FSCN3: variants seen among roughly 807,000 people sequenced by gnomAD.
FSCN3 encodes the protein fascin actin-bundling protein 3.
Under a neutral mutation model 53.5 loss-of-function variants are expected in FSCN3, and 43 were observed. The observed-to-expected ratio is 0.80, with a 90% CI of 0.63 to 1.04. The LOEUF (loss-of-function observed/expected upper bound fraction) is 1.04, where lower values mean the gene tolerates loss of function less well. FSCN3 is among the 50% of genes least tolerant of loss of function. The pLI is 0.00. For missense variants in FSCN3, 594 were observed against 646.5 expected, an observed-to-expected ratio of 0.92 and a Z score of 0.88; for synonymous variants, 235 against 246.6, an observed-to-expected ratio of 0.95 and a Z score of 0.44.
intron 1 of FSCN3, chr7:127,594,586 G>A (rs1296862184): frequency 2.1e-6 from 1 of 471,172 alleles, no homozygotes; most frequent in African/African-American, 2.0e-5. Context: ...TGGGAAAGCA[G>A]AATTGTGGGC....
In FSCN3 at chr7:127,595,772, C is replaced by A. The variant is rs749023279; in HGVS notation, c.610C>A (p.Arg204=). The A allele has an allele frequency of 2.5e-6, 4 of 1,613,648 alleles. No homozygotes were observed. The African/African-American group carries it at 4.0e-5, about 16-fold the overall frequency. The stretch of plus-strand genomic sequence containing the variant: ...ACACCACTTCTTGTCCCATGTAGAC[C>A]GGCTGTTCTCCCAACCCTCATCACA... ...STHHFLSHVD[R]LFSQPSSQTA... Residue 204 remains arginine, a synonymous_variant, in exon 2 of 7, where the codon CGG becomes AGG. Coordinates refer to ENST00000265825, the MANE Select transcript of FSCN3 (RefSeq NM_020369.3).
At chr7:127,598,623 A>G in intron 4 of FSCN3, 29 bp downstream of exon 4, 1 of 1,564,000 alleles carries the variant, frequency 6.4e-7, no homozygotes, top group Non-Finnish European at 8.7e-7. Flanking sequence ...CTGCCAGATG[A>G]TTCCAAGTCA....
chr7:127,601,175 C>T (rs750920314), intron 6 of FSCN3, among the ~76,000 whole-genome samples: 3 of 152,226 alleles, frequency 2.0e-5, no homozygotes, highest in Admixed American at 6.5e-5. Context: ...CACTTGGCTC[C>T]AGGCTTTTCT....
rs1794331961 is a variant in FSCN3, at chr7:127,593,815, G to T, written c.-39G>T. The T allele has an allele frequency of 1.9e-6, 3 of 1,551,688 alleles. No homozygotes were observed. The highest frequency in any genetic ancestry group is 2.7e-5 in the African/African-American group (2 of 73,064). On this transcript the variant is annotated 5_prime_UTR_variant, in exon 1 of 7. Coordinates refer to ENST00000265825, the MANE Select transcript of FSCN3 (RefSeq NM_020369.3). ...GTGGAACCTCACCACGGGGGGGAGG[G>T]CTGGGCCAGACGGAGACATCACCTG...
chr7:127,598,602 G>C lies in FSCN3; in HGVS notation c.1120+8G>C. ...CCAATGTCATCCTTCCAGGTGAGTG[G>C]AGCAGCCTTCCTGCCAGATGATTCC... On this transcript the variant is annotated splice_region_variant and intron_variant, in intron 4 of 6. Transcript: ENST00000265825. 1 of 1,592,074 alleles carries C rather than the reference G, an allele frequency of 6.3e-7. No individual in the cohort carries two copies. The highest frequency in any genetic ancestry group is 8.6e-7 in the Non-Finnish European group (1 of 1,165,962).
chr7:127,593,905 G>T lies in FSCN3; in HGVS notation c.52G>T (p.Val18Phe). The T allele has an allele frequency of 6.3e-7, 1 of 1,597,998 alleles. No individual in the cohort carries two copies. Among genetic ancestry groups the T allele is most frequent in the Non-Finnish European group, 8.5e-7 (1 of 1,171,964 alleles). ...HRHPKAEDLR[V>F]GLISWAGTYL... ...ACATCCCAAGGCTGAGGACCTAAGG[G>T]TTGGGCTCATCAGCTGGGCAGGAAC... The change falls in exon 1 of 7, where the codon GTT (valine) becomes TTT (phenylalanine). Residue 18 changes from valine (V) to phenylalanine (F), a missense_variant. By Grantham distance (50) the Val-to-Phe change is conservative. Transcript: ENST00000265825.
chr7:127,596,667 A>G (rs181921820), intron 3 of FSCN3: 10 of 329,956 alleles, frequency 3.0e-5, no homozygotes, highest in East Asian at 1.5e-4. Flanking sequence ...ATTATATAAT[A>G]CACATATGTA....
rs1794330437 is a variant in FSCN3, at chr7:127,593,763, C to T, written c.-91C>T. On this transcript the variant is annotated 5_prime_UTR_variant, in exon 1 of 7. Transcript: ENST00000265825. Reference sequence around the variant, plus strand: ...CTCTGGGAACATCTGGTGGGTACTACAGGCCCTATTCCAGGCCCTATGGCC... The same window carrying T: ...CTCTGGGAACATCTGGTGGGTACTATAGGCCCTATTCCAGGCCCTATGGCC... 1 of 1,411,240 alleles carries T rather than the reference C, an allele frequency of 7.1e-7. No individual in the cohort carries two copies. The highest frequency in any genetic ancestry group is 1.3e-5 in the South Asian group (1 of 76,168). The allele number at this position is 1,411,240 out of a possible 1,614,324, so 87.4% of individuals were successfully genotyped here.
At chr7:127,599,277 A>G in intron 4 of FSCN3, 104 bp from the exon 5 acceptor site, 2 of 836,026 alleles carry the variant, frequency 2.4e-6, no homozygotes, top group Non-Finnish European at 4.0e-6. Flanking sequence ...TCACTGTTAA[A>G]ATATTGACCA....
intron 4 of FSCN3, 26 bp from the exon 5 acceptor site, chr7:127,599,355 A>G (rs1279898316): frequency 4.4e-6 from 7 of 1,600,492 alleles, no homozygotes; most frequent in African/African-American, 1.3e-5. Flanking sequence ...CAGCCCATCC[A>G]GATAACTCCT....
Position 127,596,401 on chromosome 7 carries a change from C to A in FSCN3, c.915C>A (p.Ser305Arg). 6.2e-7 allele frequency: 1 copy of A among 1,606,854 alleles called. No individual in the cohort carries two copies. The highest frequency in any genetic ancestry group is 8.5e-7 in the Non-Finnish European group (1 of 1,173,406). Residue 305 changes from serine to arginine, a missense_variant, in exon 3 of 7, where the codon AGC (serine) becomes AGA (arginine). Ser to Arg is a moderately radical substitution (Grantham distance 110). Coordinates refer to ENST00000265825, the MANE Select transcript of FSCN3 (RefSeq NM_020369.3). ...SLFQFECDSE[S>R]PTVQLRSANG... ...TCCAGTTTGAATGTGACAGTGAGAG[C>A]CCCACTGTGCAGCTTCGTTCAGCCA...
chr7:127,596,260 G>C (rs747421977), intron 2 of FSCN3, 68 bp from the exon 3 acceptor site: 3 of 1,540,626 alleles, frequency 1.9e-6, no homozygotes, highest in Non-Finnish European at 2.7e-6. Context: ...CAGAAGCCCC[G>C]GTCATAAAAC....
chr7:127,600,303 A>T lies in FSCN3; in HGVS notation c.1401A>T (p.Val467=), dbSNP rs764322176. 1.2e-6 allele frequency: 2 copies of T among 1,611,748 alleles called. No individual in the cohort carries two copies. The highest frequency in any genetic ancestry group is 2.7e-5 in the African/African-American group (2 of 74,892). ...TTCAGGGGAGCAACTTACTCACTGTACTGGCCCCCAATGGCTTCTACATGC... is the reference window on the plus strand; with the variant it reads ...TTCAGGGGAGCAACTTACTCACTGTTCTGGCCCCCAATGGCTTCTACATGC... ...IELQGSNLLT[V]LAPNGFYMRA... The change falls in exon 6 of 7, where the codon GTA becomes GTT. Residue 467 remains valine (V), a synonymous_variant. Transcript: ENST00000265825.
Position 127,598,460 on chromosome 7 carries a change from A to T in FSCN3, c.986A>T (p.Asp329Val). The T allele has an allele frequency of 1.2e-6, 2 of 1,614,060 alleles. No homozygotes were observed. The highest frequency in any genetic ancestry group is 1.3e-5 in the African/African-American group (1 of 75,058). The part of the protein sequence containing the change: ...SQRRHRAVMA[D>V]GHPLESDTFF... ...AGGCGCCACAGGGCAGTAATGGCTG[A>T]TGGGCACCCCCTGGAGTCTGACACG... is the stretch of plus-strand genomic sequence containing the variant. Residue 329 changes from aspartate to valine, a missense_variant, in exon 4 of 7, where the codon GAT becomes GTT. Asp to Val is a radical substitution (Grantham distance 152, BLOSUM62 -3). Coordinates refer to ENST00000265825, the MANE Select transcript of FSCN3 (RefSeq NM_020369.3).
chr7:127,594,708 G>A, intron 1 of FSCN3: 1 of 471,242 alleles, frequency 2.1e-6, no homozygotes, highest in South Asian at 1.5e-5. Context: ...CTTCATTCTA[G>A]AGAGGAATGT....
At chr7:127,596,289 C>CTGAGGGGAG (rs765883342) in intron 2 of FSCN3, 39 bp from the exon 3 acceptor site, 15 of 1,551,580 alleles carry the variant, frequency 9.7e-6, no homozygotes, top group Non-Finnish European at 1.2e-5. Flanking sequence ...GGGGCCGAGA[C>CTGAGGGGAG]TGAGGGGAGG....
Position 127,596,427 on chromosome 7 carries a change from A to G in FSCN3, c.941A>G (p.Asn314Ser). 6.4e-7 allele frequency: 1 copy of G among 1,564,104 alleles called. No individual in the cohort carries two copies. Among genetic ancestry groups the G allele is most frequent in the Non-Finnish European group, 8.8e-7 (1 of 1,134,406 alleles). ...CCCACTGTGCAGCTTCGTTCAGCCA[A>G]TGGCTACTACCTATCCCAGGTGAGA... ...ESPTVQLRSANGYYLSQRRHR... is the reference protein window; with the variant it reads ...ESPTVQLRSASGYYLSQRRHR... The change falls in exon 3 of 7, where the codon AAT (asparagine) becomes AGT (serine). Residue 314 changes from asparagine to serine, a missense_variant. Coordinates refer to ENST00000265825, the MANE Select transcript of FSCN3 (RefSeq NM_020369.3).
intron 3 of FSCN3, chr7:127,596,727 A>G (rs1794396114): frequency 5.4e-6 from 1 of 186,304 alleles, no homozygotes; most frequent in African/African-American, 2.3e-5. Flanking sequence ...TGTTTTATAA[A>G]TAAAATGCAC....
intron 1 of FSCN3, 75 bp from the exon 2 acceptor site, chr7:127,595,232 A>G (rs1168448645): frequency 9.9e-6 from 13 of 1,314,414 alleles, no homozygotes; most frequent in Middle Eastern, 2.6e-4. Context: ...GATACCAGCC[A>G]TGACAGTTGC....
Sources: allele counts gnomAD v4.1 joint callset (sites outside exome capture counted in the v4.1 genomes callset), GRCh38; gene constraint gnomAD v4.1.1; transcripts MANE v1.5; gene names NCBI Gene and HGNC (gene_info 2026-07-23, HGNC 2026-07-21).